SLC44A5: variants seen among roughly 807,000 people sequenced by gnomAD.
SLC44A5 encodes the protein solute carrier family 44 member 5.
In SLC44A5, 57 loss-of-function variants were observed where a neutral mutation model predicts 101.8. The observed-to-expected ratio is 0.56, with a 90% CI of 0.45 to 0.70. SLC44A5 has a LOEUF of 0.70. SLC44A5 is among the 30% of genes least tolerant of loss of function. The pLI is 0.00. For missense variants in SLC44A5, 737 were observed against 853.1 expected (o/e 0.86, Z 1.70); for synonymous variants, 281 against 290.9 (o/e 0.97, Z 0.35).
At chr1:75,215,234 A>G (rs1402412756) in intron 19 of SLC44A5, among the ~76,000 whole-genome samples, 1 of 144,868 alleles carries the variant, frequency 6.9e-6, no homozygotes, top group Non-Finnish European at 1.5e-5. Context: ...AAAGGTTAGA[A>G]GAATTATATT....
chr1:75,353,623 G>A lies in SLC44A5; in HGVS notation c.53-13993C>T, dbSNP rs144442191. On this transcript the variant is annotated intron_variant, in intron 3 of 23. Coordinates refer to ENST00000370859, the MANE Select transcript of SLC44A5 (RefSeq NM_001130058.2). Reference sequence around the variant, plus strand: ...TTTTTATTCACTCTCCACACAGGCTGATGCCAGTTAGGCTTTTCATAATGC... The same window carrying A: ...TTTTTATTCACTCTCCACACAGGCTAATGCCAGTTAGGCTTTTCATAATGC... Among the ~76,000 whole-genome samples, 25 of 152,326 alleles carry A rather than the reference G, an allele frequency of 1.6e-4. 1 individual carries two copies. In the East Asian group the frequency reaches 4.6e-3, roughly 28 times the overall value.
intron 4 of SLC44A5, among the ~76,000 whole-genome samples, chr1:75,339,344 T>C (rs1188475198): frequency 2.7e-5 from 4 of 150,746 alleles, no homozygotes; most frequent in Admixed American, 2.6e-4. Context: ...GTACAAACAC[T>C]TAGTTTAATA....
the SLC44A5 span, among the ~76,000 whole-genome samples, chr1:75,707,162 C>CA: frequency 8.0e-4 from 121 of 152,200 alleles, 1 homozygote; most frequent in Admixed American, 7.9e-3. Context: ...ATCTAGTTAA[C>CA]AACAAATTAA....
At chr1:75,464,890 A>G (rs1038983304) in intron 2 of SLC44A5, among the ~76,000 whole-genome samples, 1 of 152,178 alleles carries the variant, frequency 6.6e-6, no homozygotes, top group African/African-American at 2.4e-5. Flanking sequence ...AGCAAATATT[A>G]TTACAGCTAA....
the SLC44A5 span, among the ~76,000 whole-genome samples, chr1:75,654,776 C>G: frequency 6.6e-6 from 1 of 152,062 alleles, no homozygotes; most frequent in African/African-American, 2.4e-5. Context: ...CAGCTTCCCC[C>G]CAAAACTTTT....
intron 1 of SLC44A5, among the ~76,000 whole-genome samples, chr1:75,562,438 C>A (rs928700676): frequency 2.6e-5 from 4 of 151,998 alleles, no homozygotes; most frequent in African/African-American, 9.7e-5. Context: ...TGGTTTACAC[C>A]TGTAATCATA....
At chr1:75,610,949 C>T in intron 1 of SLC44A5, 91 bp downstream of exon 1, 1 of 362,248 alleles carries the variant, frequency 2.8e-6, no homozygotes, top group Non-Finnish European at 3.8e-6. Context: ...GTGTGTATTT[C>T]TTGAGTTGTA....
chr1:75,366,413 G>A (rs1219562620), intron 3 of SLC44A5, among the ~76,000 whole-genome samples: 1 of 152,056 alleles, frequency 6.6e-6, no homozygotes, highest in Non-Finnish European at 1.5e-5. Context: ...GTTCTCTTGT[G>A]TGTGATGAGT....
At chr1:75,599,793 TGG>T (rs1468837081) in intron 1 of SLC44A5, among the ~76,000 whole-genome samples, 1 of 152,054 alleles carries the variant, frequency 6.6e-6, no homozygotes, top group Non-Finnish European at 1.5e-5. Flanking sequence ...GTATTTAGTG[TGG>T]TCGGATCATT....
intron 3 of SLC44A5, among the ~76,000 whole-genome samples, chr1:75,371,705 C>T (rs1035334026): frequency 6.6e-6 from 1 of 152,130 alleles, no homozygotes; most frequent in Admixed American, 6.6e-5. Context: ...ATTTGTATTA[C>T]TTTAGACTAA....
At position 75,202,714 on chromosome 1, in the gene SLC44A5, C is replaced by T. The variant is rs575273276; in HGVS notation, c.*1013G>A. 13 of 152,078 alleles carry T rather than the reference C, an allele frequency of 8.5e-5. No homozygotes were observed. Among genetic ancestry groups the T allele is most frequent in the Non-Finnish European group, 1.6e-4 (11 of 68,016 alleles). 9.4% of individuals were successfully genotyped at this position (152,078 alleles called of 1,614,324 possible). On this transcript the variant is annotated 3_prime_UTR_variant, in exon 24 of 24. Coordinates refer to ENST00000370859, the MANE Select transcript of SLC44A5 (RefSeq NM_001130058.2). Reference sequence around the variant, plus strand: ...TCAGTACATGACATCTGTGAGCACCCTTTCGAGGAGTAAAGTTTCCCTTTG... The same window carrying T: ...TCAGTACATGACATCTGTGAGCACCTTTTCGAGGAGTAAAGTTTCCCTTTG...
intron 1 of SLC44A5, among the ~76,000 whole-genome samples, chr1:75,583,327 A>G (rs1173151815): frequency 6.6e-6 from 1 of 152,146 alleles, no homozygotes; most frequent in Non-Finnish European, 1.5e-5. Context: ...CAAATATTGG[A>G]TCTCATTAAG....
intron 2 of SLC44A5, among the ~76,000 whole-genome samples, chr1:75,512,503 G>A (rs1669619147): frequency 6.6e-6 from 1 of 152,252 alleles, no homozygotes; most frequent in African/African-American, 2.4e-5. Context: ...CATATTAACA[G>A]CTGAAACTTT....
chr1:75,497,829 G>A (rs1329286033), intron 2 of SLC44A5, among the ~76,000 whole-genome samples: 3 of 151,988 alleles, frequency 2.0e-5, no homozygotes, highest in African/African-American at 4.8e-5. Context: ...TACTTCATCT[G>A]GAAAGAAAAT....
intron 4 of SLC44A5, among the ~76,000 whole-genome samples, chr1:75,326,712 C>A (rs1179213229): frequency 6.6e-6 from 1 of 152,104 alleles, no homozygotes; most frequent in Non-Finnish European, 1.5e-5. Flanking sequence ...GATAGGAAAT[C>A]AAACCTCTTC....
the SLC44A5 span, among the ~76,000 whole-genome samples, chr1:75,704,913 T>C: frequency 5.9e-5 from 9 of 152,192 alleles, no homozygotes; most frequent in African/African-American, 2.2e-4. Context: ...TGATAGTTAC[T>C]ACAGGTTTTG....
At chr1:75,434,569 C>T (rs1388145645) in intron 2 of SLC44A5, among the ~76,000 whole-genome samples, 1 of 152,100 alleles carries the variant, frequency 6.6e-6, no homozygotes, top group Non-Finnish European at 1.5e-5. Flanking sequence ...AATTCACTGC[C>T]TCCAAATCTT....
At chr1:75,673,808 T>G in the SLC44A5 span, among the ~76,000 whole-genome samples, 3 of 152,096 alleles carry the variant, frequency 2.0e-5, no homozygotes, top group Non-Finnish European at 4.4e-5. Flanking sequence ...TTACCTAAGA[T>G]CACCAGGGTA....
At chr1:75,517,904 C>T (rs529481446) in intron 2 of SLC44A5, among the ~76,000 whole-genome samples, 29 of 152,264 alleles carry the variant, frequency 1.9e-4, no homozygotes, top group African/African-American at 1.7e-4. Flanking sequence ...CCCCTCAGAG[C>T]TCTTTTTGGC....
Sources: allele counts gnomAD v4.1 joint callset (sites outside exome capture counted in the v4.1 genomes callset), GRCh38; gene constraint gnomAD v4.1.1; transcripts MANE v1.5; gene names NCBI Gene and HGNC (gene_info 2026-07-23, HGNC 2026-07-21).